DNAH14: variants seen among roughly 807,000 people sequenced by gnomAD.
DNAH14 encodes dynein axonemal heavy chain 14.
Under a neutral mutation model 520.9 loss-of-function variants are expected in DNAH14, and 478 were observed. That is an observed-to-expected ratio of 0.92 (90% CI 0.85 to 0.99). The LOEUF (loss-of-function observed/expected upper bound fraction) is 0.99, where lower values mean the gene tolerates loss of function less well. Ranked by LOEUF, DNAH14 falls within the 50% of genes least tolerant of loss-of-function variation. The pLI is 0.00. For missense variants in DNAH14, 4,831 were observed against 5,234.5 expected (o/e 0.92, Z 2.38); for synonymous variants, 1,581 against 1,757.2 (o/e 0.90, Z 2.51).
At chr1:225,299,025 C>T (rs1169563695) in intron 55 of DNAH14, among the ~76,000 whole-genome samples, 2 of 152,210 alleles carry the variant, frequency 1.3e-5, no homozygotes, top group African/African-American at 4.8e-5. Context: ...TGTCACTGTA[C>T]TCATGCAGTC....
intron 36 of DNAH14, among the ~76,000 whole-genome samples, chr1:225,180,275 G>T (rs1047507578): frequency 6.6e-6 from 1 of 152,130 alleles, no homozygotes; most frequent in Admixed American, 6.5e-5. Context: ...TTCCACAGAC[G>T]TCATGAGCAT....
chr1:225,031,035 ATCT>A (rs766345390), intron 11 of DNAH14, among the ~76,000 whole-genome samples: 2 of 151,920 alleles, frequency 1.3e-5, no homozygotes, highest in Non-Finnish European at 2.9e-5. Flanking sequence ...CTTTGTTTAG[ATCT>A]TCTTTGATTT....
At chr1:225,129,450 G>C (rs1371133296) in intron 27 of DNAH14, among the ~76,000 whole-genome samples, 2 of 151,114 alleles carry the variant, frequency 1.3e-5, no homozygotes, top group Non-Finnish European at 3.0e-5. Flanking sequence ...AAACAGCATG[G>C]TACTGGTACC....
intron 23 of DNAH14, among the ~76,000 whole-genome samples, chr1:225,105,016 G>T (rs1371118117): frequency 6.6e-6 from 1 of 152,054 alleles, no homozygotes; most frequent in African/African-American, 2.4e-5. Flanking sequence ...TTCTCTTGTG[G>T]GCATTTAGTG....
chr1:225,123,887 G>C (rs1319365925), intron 27 of DNAH14, among the ~76,000 whole-genome samples: 3 of 152,038 alleles, frequency 2.0e-5, no homozygotes, highest in Non-Finnish European at 2.9e-5. Flanking sequence ...TGAGTAGCTG[G>C]GTCTACAGGT....
chr1:225,038,691 C>G lies in DNAH14; in HGVS notation c.1359-3C>G. The G allele has an allele frequency of 6.6e-7, 1 of 1,520,950 alleles. No individual in the cohort carries two copies. Among genetic ancestry groups the G allele is most frequent in the Non-Finnish European group, 8.8e-7 (1 of 1,137,864 alleles). 94.2% of individuals were successfully genotyped at this position (1,520,950 alleles called of 1,614,324 possible). On this transcript the variant is annotated splice_polypyrimidine_tract_variant and splice_region_variant and intron_variant, in intron 11 of 85. Coordinates refer to ENST00000682510, the MANE Select transcript of DNAH14 (RefSeq NM_001367479.1). The stretch of plus-strand genomic sequence containing the variant: ...ATTTTTTTCTTCCCATTTCTTAATC[C>G]AGAACATTCAAGGACAACTCTTTTC...
rs1421956688 is a variant in DNAH14 at position 225,346,016 on chromosome 1, C to T, written c.10733C>T (p.Thr3578Ile). ...GATACCTTAAGAAAATCCAAAATGA[C>T]ATCAAACGAAATTTCAAAGCGCATC... ...IVDTLRKSKM[T>I]SNEISKRIEA... is the part of the protein sequence containing the mutation. Residue 3578 changes from threonine to isoleucine, a missense_variant, in exon 70 of 86, where the codon ACA becomes ATA. Transcript: ENST00000682510. 1.9e-6 allele frequency: 3 copies of T among 1,551,368 alleles called. No homozygotes were observed. Among genetic ancestry groups the T allele is most frequent in the Non-Finnish European group, 2.6e-6 (3 of 1,146,946 alleles).
At chr1:225,052,725 G>A (rs1008600576) in intron 17 of DNAH14, among the ~76,000 whole-genome samples, 11 of 152,174 alleles carry the variant, frequency 7.2e-5, no homozygotes, top group East Asian at 3.9e-4. Context: ...GGGGGATGGC[G>A]TGGAAACACT....
At chr1:225,373,466 A>G (rs1302214281) in intron 77 of DNAH14, among the ~76,000 whole-genome samples, 1 of 147,778 alleles carries the variant, frequency 6.8e-6, no homozygotes, top group African/African-American at 2.5e-5. Flanking sequence ...TCCGTCAAGA[A>G]AGGAAGGGAG....
intron 29 of DNAH14, among the ~76,000 whole-genome samples, chr1:225,144,843 A>C (rs1280545570): frequency 6.6e-6 from 1 of 151,888 alleles, no homozygotes. Flanking sequence ...TATGCTTTTT[A>C]TTTAGTTGGA....
chr1:225,084,742 TCTGA>T (rs1341415281), intron 20 of DNAH14, among the ~76,000 whole-genome samples: 3 of 35,360 alleles, frequency 8.5e-5, no homozygotes, highest in Non-Finnish European at 4.3e-4. Flanking sequence ...AGTTGGAAGA[TCTGA>T]CTATTTGTCA....
At position 225,145,398 on chromosome 1, in the gene DNAH14, T is replaced by G; in HGVS notation, c.4794+19T>G. 6.6e-7 allele frequency: 1 copy of G among 1,523,076 alleles called. No individual in the cohort carries two copies. Among genetic ancestry groups the G allele is most frequent in the Non-Finnish European group, 8.8e-7 (1 of 1,130,878 alleles). 94.3% of individuals were successfully genotyped at this position (1,523,076 alleles called of 1,614,324 possible). A position where few individuals can be genotyped will look rare whatever the true frequency, so the allele number is the denominator to read the frequency against. ...TTATAAGGTAAACCTTAAACATATGTGTCAGGAAGAAATATTGTACACATA... is the reference window on the plus strand; with the variant it reads ...TTATAAGGTAAACCTTAAACATATGGGTCAGGAAGAAATATTGTACACATA... On this transcript the variant is annotated intron_variant, in intron 30 of 85. Transcript: ENST00000682510.
At chr1:225,095,508 G>C (rs2074882621) in intron 21 of DNAH14, among the ~76,000 whole-genome samples, 1 of 152,112 alleles carries the variant, frequency 6.6e-6, no homozygotes, top group South Asian at 2.1e-4. Flanking sequence ...GAAGGTGGAG[G>C]GTGGGAGAAG....
rs760251351 is a variant in DNAH14 at position 224,974,168 on chromosome 1, G to A, written c.830+15G>A. On this transcript the variant is annotated intron_variant, in intron 8 of 85. Coordinates refer to ENST00000682510, the MANE Select transcript of DNAH14 (RefSeq NM_001367479.1). Reference sequence around the variant, plus strand: ...GAGAAGAGCAGGTAAGTTTTGATACGCAATATATAAAAATTTCAAAAGGAA... The same window carrying A: ...GAGAAGAGCAGGTAAGTTTTGATACACAATATATAAAAATTTCAAAAGGAA... The A allele has an allele frequency of 1.9e-5, 27 of 1,428,306 alleles. No homozygotes were observed. Among genetic ancestry groups the A allele is most frequent in the Middle Eastern group, 1.8e-4 (1 of 5,472 alleles). The allele number at this position is 1,428,306 out of a possible 1,614,324, so 88.5% of individuals were successfully genotyped here.
At chr1:225,381,704 G>A (rs1167692977) in intron 81 of DNAH14, 125 bp downstream of exon 81, 17 of 810,886 alleles carry the variant, frequency 2.1e-5, no homozygotes, top group Middle Eastern at 3.7e-4. Flanking sequence ...AGATGCTGAC[G>A]TACTTTTTCA....
chr1:225,201,401 G>T (rs12081545), intron 38 of DNAH14, among the ~76,000 whole-genome samples: 3,230 of 152,086 alleles, frequency 0.021, 90 homozygotes, highest in African/African-American at 0.063. Context: ...ATTCATTGCT[G>T]GTGAGCTAGT....
intron 27 of DNAH14, 45 bp from the exon 28 acceptor site, chr1:225,140,717 TTATATA>T (rs201300824): frequency 8.0e-7 from 1 of 1,244,886 alleles, no homozygotes; most frequent in Non-Finnish European, 1.1e-6. Flanking sequence ...TATGCTTCAA[TTATATA>T]TATATAGAGA....
rs1247265529 is a variant in DNAH14, at chr1:225,324,317, G to A, written c.9591G>A (p.Trp3197Ter). 1 of 1,551,714 alleles carries A rather than the reference G, an allele frequency of 6.4e-7. No individual in the cohort carries two copies. The highest frequency in any genetic ancestry group is 1.4e-5 in the African/African-American group (1 of 73,028). ...TTGCTTGTTGCTCCCTGTGCCAGTGGGTTATAGCTTTGAATAACTACCATG... is the reference window on the plus strand; with the variant it reads ...TTGCTTGTTGCTCCCTGTGCCAGTGAGTTATAGCTTTGAATAACTACCATG... Reference protein sequence around the residue: ...VSVACCSLCQWVIALNNYHEV... With the variant: ...VSVACCSLCQ Residue 3197 changes from tryptophan (W) to a stop codon, truncating the protein, a stop_gained, in exon 63 of 86, where the codon TGG becomes TGA. Coordinates refer to ENST00000682510, the MANE Select transcript of DNAH14 (RefSeq NM_001367479.1). LOFTEE classifies it high-confidence loss of function.
At chr1:225,189,773 CTT>C (rs1559234042) in intron 37 of DNAH14, among the ~76,000 whole-genome samples, 2 of 151,910 alleles carry the variant, frequency 1.3e-5, no homozygotes, top group African/African-American at 2.4e-5. Flanking sequence ...AATTGGCAAA[CTT>C]AATCTATTTT....
Sources: gnomAD v4.1 joint callset for allele counts (sites outside exome capture counted in the v4.1 genomes callset) on GRCh38, gnomAD v4.1.1 for gene constraint, MANE v1.5 for transcripts, NCBI Gene and HGNC (gene_info 2026-07-23, HGNC 2026-07-21) for gene names.